ANKRD17: variants seen among roughly 807,000 people sequenced by gnomAD.
The protein encoded by ANKRD17 is ankyrin repeat domain 17, also known as ankyrin repeat domain-containing protein 17.
In ANKRD17, 19 loss-of-function variants were observed where a neutral mutation model predicts 229.7. The observed-to-expected ratio is 0.08, with a 90% CI of 0.06 to 0.12. The LOEUF is 0.12. ANKRD17 is among the 10% of genes least tolerant of loss of function. The pLI is 1.00. For synonymous variants in ANKRD17, 1,112 were observed against 1,146.1 expected (o/e 0.97, Z 0.60); for missense variants, 2,176 against 3,176.8 (o/e 0.68, Z 7.57).
intron 1 of ANKRD17, among the ~76,000 whole-genome samples, chr4:73,228,100 T>C (rs1301988334): frequency 6.6e-6 from 1 of 152,218 alleles, no homozygotes; most frequent in African/African-American, 2.4e-5. Context: ...ATTTAATCAT[T>C]ACTTTATAGT....
At position 73,077,431 on chromosome 4, in the gene ANKRD17, C is replaced by G; in HGVS notation, c.7511G>C (p.Ser2504Thr). The change falls in exon 32 of 34, where the codon AGT (serine) becomes ACT (threonine). Residue 2504 changes from serine to threonine, a missense_variant. By Grantham distance (58) the Ser-to-Thr change is moderately conservative. Transcript: ENST00000358602. Reference sequence around the variant, plus strand: ...ACCAGAAGGAGTTACAATTCCTGTACTATCTCGCTCCATTGCTTGATGTTG... The same window carrying G: ...ACCAGAAGGAGTTACAATTCCTGTAGTATCTCGCTCCATTGCTTGATGTTG... ...FSQHQAMERD[S>T]TGIVTPSGTF... 1 of 1,613,860 alleles carries G rather than the reference C, an allele frequency of 6.2e-7. No individual in the cohort carries two copies. Among genetic ancestry groups the G allele is most frequent in the African/African-American group, 1.3e-5 (1 of 75,030 alleles).
intron 1 of ANKRD17, among the ~76,000 whole-genome samples, chr4:73,233,747 A>T (rs1407656163): frequency 6.6e-6 from 1 of 152,178 alleles, no homozygotes; most frequent in Admixed American, 6.5e-5. Flanking sequence ...CTCACATGAT[A>T]AAATAGAGGG....
chr4:73,237,792 A>C (rs1224247048), intron 1 of ANKRD17, among the ~76,000 whole-genome samples: 3 of 152,190 alleles, frequency 2.0e-5, no homozygotes, highest in African/African-American at 7.2e-5. Context: ...CATAACCCTT[A>C]TCTCTCCCTC....
chr4:73,106,975 T>G (rs530244906), intron 24 of ANKRD17, among the ~76,000 whole-genome samples: 1 of 148,040 alleles, frequency 6.8e-6, no homozygotes, highest in Admixed American at 6.7e-5. Flanking sequence ...GACACAGATA[T>G]GTATACAGGT....
intron 1 of ANKRD17, among the ~76,000 whole-genome samples, chr4:73,181,340 G>A (rs541107146): frequency 6.6e-6 from 1 of 152,254 alleles, no homozygotes; most frequent in South Asian, 2.1e-4. Context: ...TAATGAGTGT[G>A]TGTAAAAATG....
intron 3 of ANKRD17, among the ~76,000 whole-genome samples, chr4:73,159,715 A>C (rs1419682990): frequency 6.6e-6 from 1 of 152,120 alleles, no homozygotes; most frequent in African/African-American, 2.4e-5. Flanking sequence ...TTCTCTTGCC[A>C]ATCTTAGTAG....
rs1720837827 is a variant in ANKRD17 at position 73,073,476 on chromosome 4, A to ACTT, written c.*2754_*2755insAAG. On this transcript the variant is annotated 3_prime_UTR_variant, in exon 34 of 34. Transcript: ENST00000358602. ...ACACTGTACTGTTTTAAAAATAAGT[A>ACTT]ATATAGGGTACAAAATTTTTACAAA... The ACTT allele has an allele frequency of 6.6e-6, 1 of 152,104 alleles. No individual in the cohort carries two copies. The highest frequency in any genetic ancestry group is 2.1e-4 in the South Asian group (1 of 4,832). The allele number at this position is 152,104 out of a possible 1,614,324, so 9.4% of individuals were successfully genotyped here.
chr4:73,239,329 G>T (rs989239696), intron 1 of ANKRD17, among the ~76,000 whole-genome samples: 71 of 152,094 alleles, frequency 4.7e-4, no homozygotes, highest in Non-Finnish European at 8.8e-5. Context: ...CCACAATACA[G>T]AAACAATATC....
At chr4:73,158,360 A>AC (rs1483427274) in intron 3 of ANKRD17, among the ~76,000 whole-genome samples, 1 of 151,890 alleles carries the variant, frequency 6.6e-6, no homozygotes, top group African/African-American at 2.4e-5. Flanking sequence ...CTACCCTCTC[A>AC]CCCTTATTCC....
chr4:73,250,611 AAAAAC>A (rs1553947174), intron 1 of ANKRD17, among the ~76,000 whole-genome samples: 1 of 149,056 alleles, frequency 6.7e-6, no homozygotes, highest in Non-Finnish European at 1.5e-5. Context: ...AAAAAAAAAA[AAAAAC>A]AGAAAAAAAG....
At chr4:73,226,121 G>A (rs1425030654) in intron 1 of ANKRD17, among the ~76,000 whole-genome samples, 1 of 150,638 alleles carries the variant, frequency 6.6e-6, no homozygotes, top group East Asian at 2.0e-4. Context: ...GACTACAGGC[G>A]CGTGCCACCA....
intron 1 of ANKRD17, among the ~76,000 whole-genome samples, chr4:73,235,769 TTA>T (rs1293780811): frequency 1.3e-5 from 2 of 152,154 alleles, no homozygotes; most frequent in African/African-American, 4.8e-5. Flanking sequence ...TAAAAACCAA[TTA>T]TCTCTTTACT....
intron 1 of ANKRD17, among the ~76,000 whole-genome samples, chr4:73,212,425 C>T (rs770510654): frequency 7.9e-5 from 12 of 152,098 alleles, no homozygotes; most frequent in Non-Finnish European, 1.6e-4. Flanking sequence ...ACGAAACGAT[C>T]CACCTGCCAA....
At chr4:73,078,234 G>A (rs375563314) in intron 31 of ANKRD17, among the ~76,000 whole-genome samples, 7 of 152,284 alleles carry the variant, frequency 4.6e-5, no homozygotes, top group African/African-American at 9.6e-5. Flanking sequence ...AAAATTAGCC[G>A]GGCGTGGTGG....
At chr4:73,106,295 T>C (rs972167058) in intron 24 of ANKRD17, among the ~76,000 whole-genome samples, 2 of 152,126 alleles carry the variant, frequency 1.3e-5, no homozygotes, top group African/African-American at 4.8e-5. Context: ...GAAAGGGCAC[T>C]AACCCAACTG....
At position 73,141,647 on chromosome 4, in the gene ANKRD17, G is replaced by C. The variant is rs138985572; in HGVS notation, c.2332+94C>G. 22 of 1,240,264 alleles carry C rather than the reference G, an allele frequency of 1.8e-5. No homozygotes were observed. The African/African-American group carries it at 3.2e-4, about 18-fold the overall frequency. 76.8% of individuals were successfully genotyped at this position (1,240,264 alleles called of 1,614,324 possible). A position where few individuals can be genotyped will look rare whatever the true frequency, so the allele number is the denominator to read the frequency against. On this transcript the variant is annotated intron_variant, in intron 14 of 33. Coordinates refer to ENST00000358602, the MANE Select transcript of ANKRD17 (RefSeq NM_032217.5). ...TTAAAAATTTAGTAATGCCAACTTA[G>C]TAAACTTCTTTGTTTGTAGAAATGT...
intron 3 of ANKRD17, among the ~76,000 whole-genome samples, chr4:73,157,613 C>T (rs1578218471): frequency 6.6e-6 from 1 of 152,028 alleles, no homozygotes; most frequent in East Asian, 1.9e-4. Context: ...ATTTCAGATA[C>T]TAAAGGCACC....
At chr4:73,166,756 ATAG>A (rs960455535) in intron 2 of ANKRD17, among the ~76,000 whole-genome samples, 5 of 138,620 alleles carry the variant, frequency 3.6e-5, no homozygotes, top group African/African-American at 1.6e-4. Context: ...CAACAAATAA[ATAG>A]AAAAAAAAAA....
At chr4:73,258,129 G>C (rs1430239130) in intron 1 of ANKRD17, 147 bp downstream of exon 1, 11 of 1,388,030 alleles carry the variant, frequency 7.9e-6, no homozygotes, top group Non-Finnish European at 9.7e-6. Flanking sequence ...TCACGATTTA[G>C]GCCGAGGGAA....
Sources: gnomAD v4.1 joint callset for allele counts (sites outside exome capture counted in the v4.1 genomes callset) on GRCh38, gnomAD v4.1.1 for gene constraint, MANE v1.5 for transcripts, NCBI Gene and HGNC (gene_info 2026-07-23, HGNC 2026-07-21) for gene names.